KCNQ1: variants seen among roughly 807,000 people sequenced by gnomAD.
KCNQ1 encodes potassium voltage-gated channel subfamily Q member 1, also known as potassium voltage-gated channel subfamily KQT member 1.
A neutral mutation model predicts 72.4 loss-of-function variants in KCNQ1; 49 were observed. That is an observed-to-expected ratio of 0.68 (90% CI 0.54 to 0.86). The LOEUF is 0.86. Ranked by LOEUF, KCNQ1 falls within the 40% of genes least tolerant of loss-of-function variation. The pLI, the probability that KCNQ1 is intolerant of heterozygous loss-of-function variation, is 0.00. For missense variants in KCNQ1, 790 were observed against 945.1 expected, an observed-to-expected ratio of 0.84 and a Z score of 2.15; for synonymous variants, 450 against 412.6, an observed-to-expected ratio of 1.09 and a Z score of -1.10.
intron 12 of KCNQ1, among the ~76,000 whole-genome samples, chr11:2,774,042 A>G (rs1056136021): frequency 5.9e-5 from 9 of 152,062 alleles, no homozygotes; most frequent in Non-Finnish European, 8.8e-5. Context: ...AAAGAGAATT[A>G]AGACTCAACA....
At chr11:2,527,737 T>G (rs1368935131) in intron 1 of KCNQ1, among the ~76,000 whole-genome samples, 191 bp from the exon 2 acceptor site, 2 of 152,226 alleles carry the variant, frequency 1.3e-5, no homozygotes, top group African/African-American at 4.8e-5. Context: ...TCCCTTCCCG[T>G]GGCGGGACGG....
chr11:2,542,163 CAT>C (rs1339618213), intron 2 of KCNQ1, among the ~76,000 whole-genome samples: 2 of 152,254 alleles, frequency 1.3e-5, no homozygotes, highest in African/African-American at 2.4e-5. Flanking sequence ...TCAGCTTCCT[CAT>C]GTGTGAAATT....
At chr11:2,570,928 C>T (rs895893589) in intron 3 of KCNQ1, among the ~76,000 whole-genome samples, 174 bp downstream of exon 3, 4 of 152,210 alleles carry the variant, frequency 2.6e-5, no homozygotes, top group Admixed American at 6.5e-5. Flanking sequence ...GCAGCCTCTG[C>T]ACTCAGACGC....
At chr11:2,740,387 G>A (rs976639582) in intron 11 of KCNQ1, among the ~76,000 whole-genome samples, 11 of 152,220 alleles carry the variant, frequency 7.2e-5, no homozygotes, top group Non-Finnish European at 1.3e-4. Context: ...TCTATTTAAG[G>A]AACAATGTTA....
At chr11:2,639,311 T>C (rs1190694810) in intron 10 of KCNQ1, 1 of 152,236 alleles carries the variant, frequency 6.6e-6, no homozygotes, top group African/African-American at 2.4e-5. Context: ...AATTTTCTGC[T>C]TTTCTGCTGT....
At chr11:2,474,628 G>A (rs866641826) in intron 1 of KCNQ1, among the ~76,000 whole-genome samples, 3 of 116,988 alleles carry the variant, frequency 2.6e-5, no homozygotes, top group African/African-American at 5.5e-5. Context: ...CTCTTTCACC[G>A]CCCAGACAAA....
At chr11:2,825,789 C>T (rs766474041) in intron 15 of KCNQ1, among the ~76,000 whole-genome samples, 2 of 152,188 alleles carry the variant, frequency 1.3e-5, no homozygotes, top group Non-Finnish European at 2.9e-5. Context: ...TGCTCAGTAA[C>T]GGACTGGACC....
At chr11:2,519,473 G>A (rs1198705114) in intron 1 of KCNQ1, among the ~76,000 whole-genome samples, 2 of 152,138 alleles carry the variant, frequency 1.3e-5, no homozygotes, top group South Asian at 2.1e-4. Context: ...TAAGACATGA[G>A]GCCGGGCATG....
chr11:2,768,917 C>G lies in KCNQ1; in HGVS notation c.1588C>G (p.Gln530Glu). The G allele has an allele frequency of 6.2e-7, 1 of 1,613,212 alleles. No homozygotes were observed. Among genetic ancestry groups the G allele is most frequent in the Non-Finnish European group, 8.5e-7 (1 of 1,179,320 alleles). Residue 530 changes from glutamine to glutamate, a missense_variant and splice_region_variant, in exon 12 of 16, where the codon CAG (glutamine) becomes GAG (glutamate). Gln to Glu is a conservative substitution (Grantham distance 29). Around this residue, in one of 5 missense-constraint regions of KCNQ1, gnomAD observed 91 missense variants for 139.1 expected, o/e 0.65. Coordinates refer to ENST00000155840, the MANE Select transcript of KCNQ1 (RefSeq NM_000218.3). This position sits in a 1 kb window ranked among gnomAD's most constrained non-coding sequence, Gnocchi z 6.7. ...MQYFVAKKKF[Q>E]QARKPYDVRD... ...GTACTTTGTGGCCAAGAAGAAATTCCAGGTAAGCCCTGTGCTGAGCCTTCC... is the reference window on the plus strand; with the variant it reads ...GTACTTTGTGGCCAAGAAGAAATTCGAGGTAAGCCCTGTGCTGAGCCTTCC...
At chr11:2,532,869 A>C (rs958132893) in intron 2 of KCNQ1, among the ~76,000 whole-genome samples, 5 of 152,162 alleles carry the variant, frequency 3.3e-5, no homozygotes, top group Non-Finnish European at 2.9e-5. Flanking sequence ...GGGTTGCAGG[A>C]AGGACGGTTG....
intron 2 of KCNQ1, among the ~76,000 whole-genome samples, chr11:2,569,490 G>A (rs1361947048): frequency 6.6e-6 from 1 of 152,238 alleles, no homozygotes; most frequent in South Asian, 2.1e-4. Flanking sequence ...CTGTCACCCA[G>A]TGGGAGCAGA....
chr11:2,841,460 T>TGGGCAAG (rs1848209427), intron 15 of KCNQ1, among the ~76,000 whole-genome samples: 1 of 152,026 alleles, frequency 6.6e-6, no homozygotes, highest in Non-Finnish European at 1.5e-5. Flanking sequence ...GCTGCCAGCC[T>TGGGCAAG]GGGCAAGGGG....
At position 2,677,846 on chromosome 11, in the gene KCNQ1, C is replaced by T; in HGVS notation, c.1514+15765C>T. 2.5e-6 allele frequency: 1 copy of T among 398,490 alleles called. No individual in the cohort carries two copies. The highest frequency in any genetic ancestry group is 4.4e-6 in the Non-Finnish European group (1 of 226,028). The allele number at this position is 398,490 out of a possible 1,614,324, so 24.7% of individuals were successfully genotyped here. A position where few individuals can be genotyped will look rare whatever the true frequency, so the allele number is the denominator to read the frequency against. On this transcript the variant is annotated intron_variant, in intron 11 of 15. Transcript: ENST00000155840. This position sits in a 1 kb window ranked among gnomAD's most constrained non-coding sequence, Gnocchi z 4.5. The stretch of plus-strand genomic sequence containing the variant: ...TAGATACTGCCAAATAAGGGCTGTA[C>T]CATTTACATCACTTTGACTGCACAA...
chr11:2,706,879 C>G (rs1476459932), intron 11 of KCNQ1, among the ~76,000 whole-genome samples: 1 of 152,182 alleles, frequency 6.6e-6, no homozygotes. Context: ...CTCCTGCAGT[C>G]TCTAAGGCAG....
Position 2,691,257 on chromosome 11 carries a change from G to C in KCNQ1, c.1514+29176G>C, listed in dbSNP as rs939074905. On this transcript the variant is annotated intron_variant, in intron 11 of 15. Coordinates refer to ENST00000155840, the MANE Select transcript of KCNQ1 (RefSeq NM_000218.3). The surrounding 1 kb of genome is among the most constrained non-coding windows in gnomAD (Gnocchi z 6.4). ...CAGTTAACCCCTTGAGTCTCGGAAG[G>C]CTGTTTGAGCCACTAATCAGGAAGG... The C allele has an allele frequency of 7.5e-6, 3 of 398,620 alleles. No homozygotes were observed. Among genetic ancestry groups the C allele is most frequent in the Non-Finnish European group, 1.3e-5 (3 of 226,098 alleles). 24.7% of individuals were successfully genotyped at this position (398,620 alleles called of 1,614,324 possible).
intron 10 of KCNQ1, chr11:2,610,716 CTT>C (rs1167505141): frequency 0.065 from 14,278 of 219,124 alleles, no homozygotes; most frequent in Middle Eastern, 0.088. Flanking sequence ...TCTTGGTTGG[CTT>C]TTTTTTTTTT....
rs1849005767 is a variant in KCNQ1 at position 2,612,988 on chromosome 11, G to C, written c.1393+24134G>C. ...GCAGTGTGCAGCCACTGGTGTCTTT[G>C]CTCAGTTTTGTTTGTTTTAATTCTT... On this transcript the variant is annotated intron_variant, in intron 10 of 15. Transcript: ENST00000155840. This position sits in a 1 kb window ranked among gnomAD's most constrained non-coding sequence, Gnocchi z 5.5. 2.5e-6 allele frequency: 1 copy of C among 398,450 alleles called. No individual in the cohort carries two copies. The highest frequency in any genetic ancestry group is 4.4e-5 in the Admixed American group (1 of 22,694). The allele number at this position is 398,450 out of a possible 1,614,324, so 24.7% of individuals were successfully genotyped here. A position where few individuals can be genotyped will look rare whatever the true frequency, so the allele number is the denominator to read the frequency against.
chr11:2,520,002 CG>C (rs1487299302), intron 1 of KCNQ1, among the ~76,000 whole-genome samples: 1 of 152,246 alleles, frequency 6.6e-6, no homozygotes, highest in Non-Finnish European at 1.5e-5. Flanking sequence ...ACCCAGGACG[CG>C]GGAGCCCGCA....
At chr11:2,643,683 C>T in intron 10 of KCNQ1, 1 of 398,474 alleles carries the variant, frequency 2.5e-6, no homozygotes, top group Non-Finnish European at 4.4e-6. Flanking sequence ...TTATTCCTGT[C>T]ATTAATTGAT....
Sources: allele counts gnomAD v4.1 joint callset (sites outside exome capture counted in the v4.1 genomes callset), GRCh38; gene constraint gnomAD v4.1.1; regional missense constraint gnomAD v4.1.1; non-coding constraint Gnocchi (gnomAD v3.1); transcripts MANE v1.5; gene names NCBI Gene and HGNC (gene_info 2026-07-23, HGNC 2026-07-21).